Variants in SLC25A26 observed in about 807,000 individuals in gnomAD.
SLC25A26 encodes mitochondrial S-adenosylmethionine carrier protein.
SLC25A26 carries 36 observed loss-of-function variants against 37.8 expected under a neutral mutation model. The observed-to-expected ratio is 0.95, with a 90% CI of 0.73 to 1.26. The LOEUF is 1.26. Ranked by LOEUF, SLC25A26 falls within the 50% of genes most tolerant of loss-of-function variation. The pLI, the probability that SLC25A26 is intolerant of heterozygous loss-of-function variation, is 0.00. For synonymous variants in SLC25A26, 129 were observed against 122.5 expected (o/e 1.05, Z -0.35); for missense variants, 390 against 331.1 (o/e 1.18, Z -1.38).
At chr3:66,300,262 T>TTTTG (rs1270071184) in intron 5 of SLC25A26, among the ~76,000 whole-genome samples, 6 of 149,778 alleles carry the variant, frequency 4.0e-5, no homozygotes, top group Admixed American at 1.3e-4. Context: ...TTTTGTTTTT[T>TTTTG]TTTTTTTTTT....
At chr3:66,204,623 C>A (rs1182014407) in intron 1 of SLC25A26, among the ~76,000 whole-genome samples, 10 of 152,070 alleles carry the variant, frequency 6.6e-5, no homozygotes, top group African/African-American at 2.4e-4. Context: ...AGAACATTGT[C>A]TATCTTGTTC....
chr3:66,231,867 G>C (rs1412728388), intron 1 of SLC25A26, among the ~76,000 whole-genome samples: 2 of 151,760 alleles, frequency 1.3e-5, no homozygotes, highest in Admixed American at 6.6e-5. Context: ...AAACTCCTGG[G>C]CCCAAGTGAG....
intron 3 of SLC25A26, among the ~76,000 whole-genome samples, chr3:66,253,417 A>T (rs2073173755): frequency 1.3e-5 from 2 of 151,178 alleles, no homozygotes; most frequent in African/African-American, 2.4e-5. Flanking sequence ...AAAAAAAAAA[A>T]TGTTGAGGTG....
In SLC25A26 at chr3:66,180,946, G is replaced by A. The variant is rs368677888; in HGVS notation, c.-353-39796G>A. 7.9e-5 allele frequency among the ~76,000 whole-genome samples: 12 copies of A among 152,222 alleles called. No individual in the cohort carries two copies. In the East Asian group the frequency reaches 2.3e-3, roughly 30 times the overall value. On this transcript the variant is annotated intron_variant, in intron 1 of 10. Coordinates refer to the SLC25A26 transcript ENST00000676754. ...ACTGGTGTCCTTATAAGAAGAGAAA[G>A]AGACACCAGGAGTGTACATACACAG... is the stretch of plus-strand genomic sequence containing the variant.
chr3:66,372,967 C>T (rs1024021081), intron 9 of SLC25A26, among the ~76,000 whole-genome samples: 10 of 152,174 alleles, frequency 6.6e-5, no homozygotes, highest in Non-Finnish European at 1.0e-4. Flanking sequence ...AGTCAAGTGG[C>T]GACCACTTTT....
At chr3:66,321,910 GC>G (rs1663528192) in intron 5 of SLC25A26, among the ~76,000 whole-genome samples, 1 of 152,012 alleles carries the variant, frequency 6.6e-6, no homozygotes, top group South Asian at 2.1e-4. Context: ...TATCCTGGAG[GC>G]TAGGAAGTCC....
intron 5 of SLC25A26, among the ~76,000 whole-genome samples, chr3:66,335,648 A>G (rs990951847): frequency 1.3e-5 from 2 of 152,086 alleles, no homozygotes; most frequent in Non-Finnish European, 2.9e-5. Flanking sequence ...TGTAAGAAAT[A>G]CGTATCGAGT....
chr3:66,187,975 G>T (rs923511492), intron 1 of SLC25A26, among the ~76,000 whole-genome samples: 1 of 152,112 alleles, frequency 6.6e-6, no homozygotes, highest in Non-Finnish European at 1.5e-5. Context: ...GATATTGGCT[G>T]CCATGCTGAC....
chr3:66,314,952 G>A (rs71308809), intron 5 of SLC25A26, among the ~76,000 whole-genome samples: 3,868 of 151,790 alleles, frequency 0.025, 246 homozygotes, highest in Admixed American at 0.14. Context: ...TTGTATTTCT[G>A]TGGGGTCGCC....
chr3:66,373,472 G>A (rs1381835943), intron 9 of SLC25A26, among the ~76,000 whole-genome samples: 5 of 152,182 alleles, frequency 3.3e-5, no homozygotes, highest in African/African-American at 9.6e-5. Context: ...AGACACTGGC[G>A]TTTAGAAATA....
At position 66,160,827 on chromosome 3, in the gene SLC25A26, C is replaced by G. The variant is rs188952718; in HGVS notation, c.-354+26843C>G. On this transcript the variant is annotated intron_variant, in intron 1 of 10. Transcript: ENST00000676754. ...GTACACACCTGTAATCCCAGCTACTCGAGAGGCTGAGGCAGGAGAATTGCT... is the reference window on the plus strand; with the variant it reads ...GTACACACCTGTAATCCCAGCTACTGGAGAGGCTGAGGCAGGAGAATTGCT... 1.2e-4 allele frequency among the ~76,000 whole-genome samples: 18 copies of G among 152,056 alleles called. No individual in the cohort carries two copies. In the East Asian group the frequency reaches 3.5e-3, roughly 30 times the overall value.
intron 6 of SLC25A26, among the ~76,000 whole-genome samples, chr3:66,357,021 T>C (rs1343254870): frequency 1.3e-5 from 2 of 152,234 alleles, no homozygotes; most frequent in African/African-American, 4.8e-5. Flanking sequence ...CTAATCAACC[T>C]GTATTAAGGA....
chr3:66,210,479 T>C (rs1315746515), intron 1 of SLC25A26, among the ~76,000 whole-genome samples: 4 of 151,994 alleles, frequency 2.6e-5, no homozygotes, highest in African/African-American at 7.2e-5. Context: ...GGTTGGCATA[T>C]GCAAATGTCC....
intron 8 of SLC25A26, 59 bp from the exon 9 acceptor site, chr3:66,370,470 G>C: frequency 7.5e-7 from 1 of 1,337,880 alleles, no homozygotes; most frequent in Non-Finnish European, 1.1e-6. Flanking sequence ...TATCTGAGAG[G>C]CAAGTGTGTG....
At chr3:66,154,800 T>TA (rs1180137920) in intron 1 of SLC25A26, among the ~76,000 whole-genome samples, 7 of 152,176 alleles carry the variant, frequency 4.6e-5, no homozygotes. Context: ...TTACTTTGGA[T>TA]AAGTCACTTA....
In SLC25A26 at chr3:66,236,548, G is replaced by A; in HGVS notation, c.38G>A (p.Gly13Asp). The A allele has an allele frequency of 6.9e-7, 1 of 1,441,674 alleles. No homozygotes were observed. Among genetic ancestry groups the A allele is most frequent in the Non-Finnish European group, 9.2e-7 (1 of 1,087,320 alleles). The allele number at this position is 1,441,674 out of a possible 1,614,324, so 89.3% of individuals were successfully genotyped here. ...TTCCCTCTTTTTTTTTCAAAGGCTGGTGGGGTAGCAGGTGTTTCTGTTGAC... is the reference window on the plus strand; with the variant it reads ...TTCCCTCTTTTTTTTTCAAAGGCTGATGGGGTAGCAGGTGTTTCTGTTGAC... ...RPGFVAALVA[G>D]GVAGVSVDLI... Residue 13 changes from glycine to aspartate, a missense_variant, in exon 2 of 10, where the codon GGT (glycine) becomes GAT (aspartate). Physicochemically the swap from Gly to Asp is moderately conservative, Grantham distance 94. Coordinates refer to ENST00000354883, the MANE Select transcript of SLC25A26 (RefSeq NM_001379210.1).
intron 1 of SLC25A26, among the ~76,000 whole-genome samples, chr3:66,209,113 TAC>T (rs2071234463): frequency 1.0e-5 from 1 of 98,452 alleles, no homozygotes. Context: ...TATATATATA[TAC>T]ACAAAAAGAT....
chr3:66,209,898 T>TTATATTTATATATA (rs2071257057), intron 1 of SLC25A26, among the ~76,000 whole-genome samples: 6 of 38,608 alleles, frequency 1.6e-4, no homozygotes, highest in Non-Finnish European at 3.0e-4. Flanking sequence ...CTCTCTCTAT[T>TTATATTTATATATA]TATATATATA....
chr3:66,318,302 G>A (rs951701289), intron 5 of SLC25A26, among the ~76,000 whole-genome samples: 23 of 152,210 alleles, frequency 1.5e-4, no homozygotes, highest in African/African-American at 5.1e-4. Context: ...GGCCCTGGAT[G>A]CATGGGCTCA....
Sources: allele counts gnomAD v4.1 joint callset (sites outside exome capture counted in the v4.1 genomes callset), GRCh38; gene constraint gnomAD v4.1.1; transcripts MANE v1.5; gene names NCBI Gene and HGNC (gene_info 2026-07-23, HGNC 2026-07-21).